MAP3K13: variants seen among roughly 807,000 people sequenced by gnomAD.
The protein encoded by MAP3K13 is mitogen-activated protein kinase kinase kinase 13.
A neutral mutation model predicts 104.0 loss-of-function variants in MAP3K13; 52 were observed. The observed-to-expected ratio is 0.50, with a 90% CI of 0.40 to 0.63. MAP3K13 has a LOEUF of 0.63. Among genes scored for constraint, MAP3K13 ranks in the 20% least tolerant of loss-of-function variants. The pLI is 0.00. For synonymous variants in MAP3K13, 394 were observed against 442.2 expected (o/e 0.89, Z 1.37); for missense variants, 914 against 1,218.5 (o/e 0.75, Z 3.72).
At chr3:185,295,011 T>A (rs547552152) in intron 2 of MAP3K13, among the ~76,000 whole-genome samples, 20 of 152,348 alleles carry the variant, frequency 1.3e-4, no homozygotes, top group Non-Finnish European at 2.2e-4. Flanking sequence ...TCATTGCTTT[T>A]AGACTGATTT....
chr3:185,384,927 C>T (rs947531477), intron 1 of MAP3K13, among the ~76,000 whole-genome samples: 1 of 152,150 alleles, frequency 6.6e-6, no homozygotes, highest in Non-Finnish European at 1.5e-5. Context: ...GTTTCCTTTG[C>T]TGTGTAGAAG....
intron 1 of MAP3K13, among the ~76,000 whole-genome samples, chr3:185,393,462 CTT>C (rs147162736): frequency 2.1e-5 from 3 of 145,080 alleles, no homozygotes; most frequent in Non-Finnish European, 3.0e-5. Flanking sequence ...TTGTAAGTAT[CTT>C]TTTTTTTTTT....
rs1718701376 is a variant in MAP3K13, at chr3:185,486,038, CT to C, written c.*3583del. 6.6e-6 allele frequency: 1 copy of C among 152,238 alleles called. No individual in the cohort carries two copies. The highest frequency in any genetic ancestry group is 6.5e-5 in the Admixed American group (1 of 15,288). The allele number at this position is 152,238 out of a possible 1,614,324, so 9.4% of individuals were successfully genotyped here. A position where few individuals can be genotyped will look rare whatever the true frequency, so the allele number is the denominator to read the frequency against. ...ATTCCTTGGAACAGAGATGCTACAA[CT>C]CTATGTCTTCTTTCTATCCAACATA... On this transcript the variant is annotated 3_prime_UTR_variant, in exon 14 of 14. Transcript: ENST00000265026.
At chr3:185,378,694 G>A (rs1353412103) in intron 1 of MAP3K13, among the ~76,000 whole-genome samples, 4 of 152,242 alleles carry the variant, frequency 2.6e-5, no homozygotes, top group African/African-American at 9.6e-5. Context: ...TGAAGGAACA[G>A]ACAGGAGAGA....
intron 2 of MAP3K13, among the ~76,000 whole-genome samples, chr3:185,311,370 A>G (rs985083205): frequency 6.6e-6 from 1 of 152,136 alleles, no homozygotes; most frequent in African/African-American, 2.4e-5. Flanking sequence ...ATCAGATCTC[A>G]TAAGAGATTA....
chr3:185,415,509 A>G (rs981272509), intron 1 of MAP3K13, among the ~76,000 whole-genome samples: 3 of 145,844 alleles, frequency 2.1e-5, no homozygotes, highest in South Asian at 2.2e-4. Context: ...TCCTAGAGAT[A>G]TTTTCTTGAA....
Position 185,487,972 on chromosome 3 carries a change from G to C in MAP3K13, c.*5516G>C, listed in dbSNP as rs891931181. The C allele has an allele frequency of 6.6e-6, 1 of 152,212 alleles. No individual in the cohort carries two copies. The highest frequency in any genetic ancestry group is 2.4e-5 in the African/African-American group (1 of 41,444). 9.4% of individuals were successfully genotyped at this position (152,212 alleles called of 1,614,324 possible). On this transcript the variant is annotated 3_prime_UTR_variant, in exon 14 of 14. Transcript: ENST00000265026. ...GTCAGGGGCGGTACCACAGAAAGGG[G>C]AAAGGCCACTTGCCTCTACCCACTG...
intron 1 of MAP3K13, among the ~76,000 whole-genome samples, chr3:185,396,129 G>T (rs1323718915): frequency 1.3e-5 from 2 of 152,114 alleles, no homozygotes; most frequent in Non-Finnish European, 2.9e-5. Flanking sequence ...CCAGCACTTT[G>T]GGAGGCTGAG....
rs143911901 is a variant in MAP3K13, at chr3:185,487,173, G to GC, written c.*4717_*4718insC. The GC allele has an allele frequency of 6.6e-6, 1 of 151,588 alleles. No homozygotes were observed. The highest frequency in any genetic ancestry group is 2.4e-5 in the African/African-American group (1 of 41,158). The allele number at this position is 151,588 out of a possible 1,614,324, so 9.4% of individuals were successfully genotyped here. A position where few individuals can be genotyped will look rare whatever the true frequency, so the allele number is the denominator to read the frequency against. Reference sequence around the variant, plus strand: ...TGGCACCAACCCAGACTTTTTTTGGGGGGGGGTGAGGGCGCAGGATCTCAC... The same window carrying GC: ...TGGCACCAACCCAGACTTTTTTTGGGCGGGGGGTGAGGGCGCAGGATCTCAC... On this transcript the variant is annotated 3_prime_UTR_variant, in exon 14 of 14. Coordinates refer to ENST00000265026, the MANE Select transcript of MAP3K13 (RefSeq NM_004721.5).
intron 5 of MAP3K13, among the ~76,000 whole-genome samples, chr3:185,449,054 T>G (rs1377564577): frequency 6.6e-6 from 1 of 152,248 alleles, no homozygotes; most frequent in Middle Eastern, 3.2e-3. Flanking sequence ...TCTCCTTTTA[T>G]GGCTTTTAGA....
At chr3:185,383,027 A>G (rs1202628115) in intron 1 of MAP3K13, among the ~76,000 whole-genome samples, 2 of 116,818 alleles carry the variant, frequency 1.7e-5, no homozygotes, top group South Asian at 3.4e-4. Context: ...CCAACCCACA[A>G]CAGTCCCCAG....
chr3:185,415,442 G>C (rs1713695696), intron 1 of MAP3K13, among the ~76,000 whole-genome samples: 1 of 152,100 alleles, frequency 6.6e-6, no homozygotes, highest in South Asian at 2.1e-4. Flanking sequence ...ACAGGTATGA[G>C]CCACCATGCC....
chr3:185,324,666 C>T (rs142283083), intron 2 of MAP3K13, among the ~76,000 whole-genome samples: 8 of 152,230 alleles, frequency 5.3e-5, no homozygotes, highest in Non-Finnish European at 7.3e-5. Flanking sequence ...ACTTATATCT[C>T]CTATTTTGAG....
At chr3:185,355,908 C>T (rs1158547661) in intron 2 of MAP3K13, among the ~76,000 whole-genome samples, 1 of 152,006 alleles carries the variant, frequency 6.6e-6, no homozygotes, top group Non-Finnish European at 1.5e-5. Flanking sequence ...CATTGTTTAC[C>T]ATGCTGAGGT....
chr3:185,356,220 T>C (rs561849145), intron 2 of MAP3K13, among the ~76,000 whole-genome samples: 2 of 152,340 alleles, frequency 1.3e-5, no homozygotes, highest in South Asian at 4.1e-4. Flanking sequence ...TACCAATATA[T>C]TGAAATTATT....
chr3:185,448,759 T>C (rs1288153524), intron 5 of MAP3K13, among the ~76,000 whole-genome samples: 2 of 152,214 alleles, frequency 1.3e-5, no homozygotes, highest in African/African-American at 2.4e-5. Context: ...TCTTGGATTT[T>C]TGCCAATCAT....
At chr3:185,380,606 A>G (rs1000705762) in intron 1 of MAP3K13, among the ~76,000 whole-genome samples, 1 of 152,120 alleles carries the variant, frequency 6.6e-6, no homozygotes, top group Non-Finnish European at 1.5e-5. Context: ...TGTGTTTAAC[A>G]AGCTGGCTAG....
chr3:185,307,549 CCCCG>C, intron 2 of MAP3K13, among the ~76,000 whole-genome samples: 2 of 131,996 alleles, frequency 1.5e-5, no homozygotes, highest in Non-Finnish European at 3.2e-5. Context: ...CCACCCCCTC[CCCCG>C]CCACCCCGAG....
At chr3:185,303,401 C>A (rs1217553589) in intron 2 of MAP3K13, among the ~76,000 whole-genome samples, 1 of 152,038 alleles carries the variant, frequency 6.6e-6, no homozygotes, top group Non-Finnish European at 1.5e-5. Context: ...AGTGTTAATT[C>A]TTCTTTAAAT....
Sources: allele counts gnomAD v4.1 joint callset (sites outside exome capture counted in the v4.1 genomes callset), GRCh38; gene constraint gnomAD v4.1.1; transcripts MANE v1.5; gene names NCBI Gene and HGNC (gene_info 2026-07-23, HGNC 2026-07-21).